The following RBFOX1 variants were observed in gnomAD, a reference collection of about 807,000 sequenced individuals.
RBFOX1 encodes the protein RNA binding fox-1 homolog 1.
A neutral mutation model predicts 57.7 loss-of-function variants in RBFOX1; 8 were observed. That is an observed-to-expected ratio of 0.14 (90% confidence interval 0.08 to 0.25). The LOEUF (loss-of-function observed/expected upper bound fraction) is 0.25, where lower values mean the gene tolerates loss of function less well. RBFOX1 is among the 10% of genes least tolerant of loss of function. RBFOX1 has a pLI of 1.00. For missense variants in RBFOX1, 611 were observed against 548.5 expected (o/e 1.11, Z -1.14); for synonymous variants, 326 against 222.4 (o/e 1.47, Z -4.15).
At chr16:5,797,238 C>G (rs565414181) in intron 3 of RBFOX1, among the ~76,000 whole-genome samples, 1 of 152,112 alleles carries the variant, frequency 6.6e-6, no homozygotes, top group African/African-American at 2.4e-5. Context: ...CCTTTTGGAT[C>G]TTTGAAGGTA....
intron 4 of RBFOX1, among the ~76,000 whole-genome samples, chr16:7,287,012 C>T (rs1202447245): frequency 1.3e-5 from 2 of 152,124 alleles, no homozygotes; most frequent in African/African-American, 2.4e-5. Flanking sequence ...AACATGAACG[C>T]AGGCAATGCG....
intron 4 of RBFOX1, among the ~76,000 whole-genome samples, chr16:7,263,755 G>C (rs12599494): frequency 0.15 from 22,706 of 151,810 alleles, 2,037 homozygotes; most frequent in East Asian, 0.27. Flanking sequence ...AATTAGCTGG[G>C]TGTGGTGGCA....
At position 6,286,332 on chromosome 16, in the gene RBFOX1, G is replaced by T. The variant is rs534595236; in HGVS notation, c.-126-30663G>T. 9.2e-5 allele frequency among the ~76,000 whole-genome samples: 14 copies of T among 151,948 alleles called. No homozygotes were observed. In the South Asian group the frequency reaches 2.9e-3, roughly 32 times the overall value. ...AAATGCAGTGTCGATAACTTGGGAA[G>T]AGTTCAGAAATCTTGACTCAGATGT... On this transcript the variant is annotated intron_variant, in intron 1 of 15. Transcript: ENST00000550418.
At chr16:6,654,470 G>T in intron 2 of RBFOX1, 133 bp from the exon 3 acceptor site, 1 of 681,538 alleles carries the variant, frequency 1.5e-6, no homozygotes, top group Non-Finnish European at 2.4e-6. Context: ...GCAATGACTC[G>T]AGAAAGAACT....
chr16:7,676,699 G>C (rs1473705943), intron 13 of RBFOX1, 75 bp from the exon 14 acceptor site: 4 of 1,268,088 alleles, frequency 3.2e-6, no homozygotes, highest in Non-Finnish European at 4.6e-6. Context: ...AGCTGCTCTG[G>C]TGTGGTCTTG....
intron 3 of RBFOX1, among the ~76,000 whole-genome samples, chr16:7,001,228 C>G (rs1292392295): frequency 1.3e-5 from 2 of 152,012 alleles, no homozygotes; most frequent in Non-Finnish European, 2.9e-5. Flanking sequence ...CTGTTGTTGG[C>G]CAGTGGGAAT....
intron 1 of RBFOX1, among the ~76,000 whole-genome samples, chr16:5,276,854 C>G (rs181367947): frequency 5.9e-4 from 90 of 152,270 alleles, no homozygotes; most frequent in African/African-American, 2.0e-3. Context: ...GGAATGTAAG[C>G]TAGTACCATC....
chr16:6,121,542 G>C (rs995728253), intron 1 of RBFOX1, among the ~76,000 whole-genome samples: 1 of 152,156 alleles, frequency 6.6e-6, no homozygotes, highest in Non-Finnish European at 1.5e-5. Context: ...TGTTTTTGCT[G>C]TGTCTGACTG....
At chr16:5,809,946 C>A (rs2151774122) in intron 3 of RBFOX1, among the ~76,000 whole-genome samples, 1 of 152,162 alleles carries the variant, frequency 6.6e-6, no homozygotes, top group Middle Eastern at 3.4e-3. Flanking sequence ...CAATGATAGA[C>A]TGGATTAAGA....
At chr16:6,825,187 TG>T (rs1345396818) in intron 3 of RBFOX1, among the ~76,000 whole-genome samples, 1 of 149,814 alleles carries the variant, frequency 6.7e-6, no homozygotes, top group Non-Finnish European at 1.5e-5. Flanking sequence ...TCCTTTCTTG[TG>T]GGGGGGCTGA....
At chr16:7,289,395 C>G (rs907265702) in intron 4 of RBFOX1, among the ~76,000 whole-genome samples, 1 of 151,876 alleles carries the variant, frequency 6.6e-6, no homozygotes, top group Admixed American at 6.6e-5. Context: ...TTACCGATAC[C>G]AACATTACCA....
intron 3 of RBFOX1, among the ~76,000 whole-genome samples, chr16:6,940,385 C>A (rs1597846422): frequency 6.6e-6 from 1 of 152,144 alleles, no homozygotes; most frequent in Non-Finnish European, 1.5e-5. Flanking sequence ...TCCGACAATT[C>A]CAGGAACTTA....
intron 4 of RBFOX1, among the ~76,000 whole-genome samples, chr16:7,057,920 A>G (rs1387460573): frequency 1.3e-5 from 2 of 148,248 alleles, no homozygotes; most frequent in Non-Finnish European, 3.0e-5. Flanking sequence ...AGGCAGGAGA[A>G]TTGCTTGACC....
chr16:7,472,966 C>T lies in RBFOX1; in HGVS notation c.28-45181C>T, dbSNP rs72773006. On this transcript the variant is annotated intron_variant, in intron 4 of 15. Transcript: ENST00000550418. The stretch of plus-strand genomic sequence containing the variant: ...CATACAGGGATTTGGCTATGCCTTT[C>T]ATAGGCTGTGTGATGTCAGCAAGCT... Among the ~76,000 whole-genome samples the T allele has an allele frequency of 1.2e-3, 187 of 152,048 alleles. 2 individuals carry two copies. Among genetic ancestry groups the T allele is most frequent in the Admixed American group, 4.3e-3 (65 of 15,280 alleles).
At chr16:7,385,149 A>G (rs7202052) in intron 4 of RBFOX1, among the ~76,000 whole-genome samples, 13,359 of 152,272 alleles carry the variant, frequency 0.088, 637 homozygotes, top group East Asian at 0.19. Flanking sequence ...GTCATACAGG[A>G]TTTTGTTAAC....
intron 1 of RBFOX1, among the ~76,000 whole-genome samples, chr16:6,289,333 A>T (rs569813114): frequency 6.6e-6 from 1 of 152,204 alleles, no homozygotes; most frequent in South Asian, 2.1e-4. Context: ...CCATCAATCT[A>T]CCTGTGACTG....
intron 4 of RBFOX1, among the ~76,000 whole-genome samples, chr16:7,218,043 G>A (rs114320941): frequency 6.1e-4 from 92 of 150,884 alleles, no homozygotes; most frequent in African/African-American, 2.2e-3. Flanking sequence ...GCGCGTGTGC[G>A]TGCATTTGCA....
chr16:7,283,224 C>G (rs918016427), intron 4 of RBFOX1, among the ~76,000 whole-genome samples: 4 of 151,840 alleles, frequency 2.6e-5, no homozygotes, highest in African/African-American at 9.7e-5. Context: ...GTGTGCCTCT[C>G]TCTGCTTGTC....
intron 1 of RBFOX1, among the ~76,000 whole-genome samples, chr16:6,314,952 T>C (rs2080886880): frequency 1.3e-5 from 2 of 152,230 alleles, no homozygotes; most frequent in South Asian, 4.1e-4. Flanking sequence ...TGCCACTTCC[T>C]TGATGGAGCC....
Sources: allele counts gnomAD v4.1 joint callset (sites outside exome capture counted in the v4.1 genomes callset), GRCh38; gene constraint gnomAD v4.1.1; transcripts MANE v1.5; gene names NCBI Gene and HGNC (gene_info 2026-07-23, HGNC 2026-07-21).